PLPPR1: variants seen among roughly 807,000 people sequenced by gnomAD.
The protein encoded by PLPPR1 is phospholipid phosphatase-related protein type 1.
PLPPR1 carries 10 observed loss-of-function variants against 33.1 expected under a neutral mutation model. That is an observed-to-expected ratio of 0.30 (90% CI 0.19 to 0.51). The LOEUF (loss-of-function observed/expected upper bound fraction) is 0.51. PLPPR1 is among the 20% of genes least tolerant of loss of function. PLPPR1 has a pLI of 0.97. For missense variants in PLPPR1, 304 were observed against 408.1 expected (o/e 0.74, Z 2.20); for synonymous variants, 151 against 151.0 (o/e 1.00, Z 0.00).
At chr9:101,127,316 C>T (rs1236162304) in intron 1 of PLPPR1, among the ~76,000 whole-genome samples, 7 of 152,144 alleles carry the variant, frequency 4.6e-5, no homozygotes, top group East Asian at 1.9e-4. Context: ...ATGGGGGCAA[C>T]GAAGTCCGGC....
At chr9:101,191,688 G>T (rs1039018016) in intron 2 of PLPPR1, among the ~76,000 whole-genome samples, 2 of 152,170 alleles carry the variant, frequency 1.3e-5, no homozygotes, top group Non-Finnish European at 2.9e-5. Context: ...AGACTGAGAT[G>T]CCCTGTTTGA....
At chr9:101,154,912 G>A (rs923764801) in intron 1 of PLPPR1, among the ~76,000 whole-genome samples, 2 of 138,280 alleles carry the variant, frequency 1.4e-5, no homozygotes, top group African/African-American at 2.7e-5. Context: ...ATTGAACAAA[G>A]AGAACACTTG....
intron 2 of PLPPR1, among the ~76,000 whole-genome samples, chr9:101,194,752 T>TAAA (rs1347790405): frequency 2.3e-5 from 2 of 85,874 alleles, no homozygotes; most frequent in African/African-American, 9.7e-5. Context: ...AAACTCCATC[T>TAAA]CAAAAAAAAA....
chr9:101,039,531 A>T (rs1423353542), intron 1 of PLPPR1, among the ~76,000 whole-genome samples: 3 of 151,988 alleles, frequency 2.0e-5, no homozygotes, highest in Non-Finnish European at 4.4e-5. Context: ...ACTGAATAAC[A>T]CTCTTCTTAC....
intron 1 of PLPPR1, among the ~76,000 whole-genome samples, chr9:101,150,956 C>T (rs1303443575): frequency 6.6e-6 from 1 of 152,134 alleles, no homozygotes; most frequent in Admixed American, 6.6e-5. Context: ...CTTACATATA[C>T]ACATTTTACA....
intron 2 of PLPPR1, among the ~76,000 whole-genome samples, chr9:101,189,954 A>G (rs181955818): frequency 6.6e-6 from 1 of 151,816 alleles, no homozygotes; most frequent in Non-Finnish European, 1.5e-5. Flanking sequence ...CTGTTTCCTT[A>G]TATTTGTGGT....
intron 1 of PLPPR1, among the ~76,000 whole-genome samples, chr9:101,184,087 C>T (rs1826164577): frequency 6.6e-6 from 1 of 151,556 alleles, no homozygotes; most frequent in African/African-American, 2.4e-5. Flanking sequence ...CCAATCAATT[C>T]AATGTGTTTT....
intron 1 of PLPPR1, among the ~76,000 whole-genome samples, chr9:101,178,829 A>G (rs1486003701): frequency 3.9e-5 from 6 of 152,152 alleles, no homozygotes; most frequent in Non-Finnish European, 1.5e-5. Flanking sequence ...CAAGGAATGG[A>G]AGTGGAAGTG....
At chr9:101,180,225 C>A (rs1826086939) in intron 1 of PLPPR1, among the ~76,000 whole-genome samples, 1 of 147,812 alleles carries the variant, frequency 6.8e-6, no homozygotes, top group African/African-American at 2.5e-5. Context: ...CACATACACA[C>A]ACACATACAT....
At chr9:101,135,805 A>C (rs1831371134) in intron 1 of PLPPR1, among the ~76,000 whole-genome samples, 1 of 152,172 alleles carries the variant, frequency 6.6e-6, no homozygotes, top group Non-Finnish European at 1.5e-5. Context: ...ATTCTTGTAC[A>C]TTTTCACCTT....
At chr9:101,107,174 T>C (rs1830981591) in intron 1 of PLPPR1, among the ~76,000 whole-genome samples, 1 of 105,520 alleles carries the variant, frequency 9.5e-6, no homozygotes, top group Non-Finnish European at 1.8e-5. Context: ...CCATCCAGCT[T>C]TGTTCCGTTG....
chr9:101,200,778 G>A (rs1826478236), intron 2 of PLPPR1, among the ~76,000 whole-genome samples: 1 of 151,962 alleles, frequency 6.6e-6, no homozygotes, highest in Admixed American at 6.6e-5. Context: ...AGATTTTCTG[G>A]GGATAAATGT....
At chr9:101,237,665 C>T (rs1827332337) in intron 2 of PLPPR1, among the ~76,000 whole-genome samples, 1 of 131,944 alleles carries the variant, frequency 7.6e-6, no homozygotes, top group South Asian at 2.4e-4. Context: ...ACACAAAATT[C>T]CATCATATAT....
intron 1 of PLPPR1, among the ~76,000 whole-genome samples, chr9:101,124,013 GC>G (rs1478042040): frequency 6.6e-6 from 1 of 152,018 alleles, no homozygotes; most frequent in Admixed American, 6.5e-5. Flanking sequence ...TACCCAACAT[GC>G]CCCCCTTCTC....
At chr9:101,200,503 T>C (rs548261967) in intron 2 of PLPPR1, among the ~76,000 whole-genome samples, 10 of 152,348 alleles carry the variant, frequency 6.6e-5, no homozygotes, top group East Asian at 1.9e-4. Context: ...AACTAGGTGA[T>C]ACGATTTGAA....
At chr9:101,235,601 T>C (rs1333768849) in intron 2 of PLPPR1, among the ~76,000 whole-genome samples, 1 of 151,898 alleles carries the variant, frequency 6.6e-6, no homozygotes, top group Non-Finnish European at 1.5e-5. Flanking sequence ...AAAAATAGTT[T>C]CTTATCTGCT....
chr9:101,278,186 A>C (rs1361314232), intron 3 of PLPPR1, among the ~76,000 whole-genome samples: 1 of 152,224 alleles, frequency 6.6e-6, no homozygotes, highest in Non-Finnish European at 1.5e-5. Context: ...CAAAATTATA[A>C]TACATCTTTC....
chr9:101,106,131 G>A (rs898579258), intron 1 of PLPPR1, among the ~76,000 whole-genome samples: 1 of 151,204 alleles, frequency 6.6e-6, no homozygotes, highest in African/African-American at 2.5e-5. Context: ...TTTAATTGCA[G>A]AATTTAGTCC....
At chr9:101,092,161 C>A (rs546907418) in intron 1 of PLPPR1, among the ~76,000 whole-genome samples, 1 of 152,280 alleles carries the variant, frequency 6.6e-6, no homozygotes, top group African/African-American at 2.4e-5. Flanking sequence ...CATTGTGTTT[C>A]TATCTTTGTC....
Sources: gnomAD v4.1 joint callset for allele counts (sites outside exome capture counted in the v4.1 genomes callset) on GRCh38, gnomAD v4.1.1 for gene constraint, MANE v1.5 for transcripts, NCBI Gene and HGNC (gene_info 2026-07-23, HGNC 2026-07-21) for gene names.